Variants in LARP1B observed in about 807,000 individuals in gnomAD.
The protein encoded by LARP1B is La ribonucleoprotein 1B.
In LARP1B, 76 loss-of-function variants were observed where a neutral mutation model predicts 114.2. That is an observed-to-expected ratio of 0.67 (90% CI 0.55 to 0.81). LARP1B has a LOEUF of 0.81. LARP1B is among the 30% of genes least tolerant of loss of function. The probability of loss-of-function intolerance (pLI) is 0.00; values close to 1 mark genes in which losing one functional copy is unlikely to be tolerated. For missense variants in LARP1B, 1,014 were observed against 1,075.8 expected (o/e 0.94, Z 0.80); for synonymous variants, 345 against 348.0 (o/e 0.99, Z 0.10).
chr4:128,066,052 G>T (rs1243982002), intron 1 of LARP1B, among the ~76,000 whole-genome samples: 2 of 151,714 alleles, frequency 1.3e-5, no homozygotes, highest in African/African-American at 4.8e-5. Context: ...GTCCAGGCTG[G>T]TCTTGAGCTC....
At chr4:128,061,590 G>T in intron 1 of LARP1B, 189 bp downstream of exon 1, 7 of 787,876 alleles carry the variant, frequency 8.9e-6, no homozygotes, top group Non-Finnish European at 1.1e-5. Flanking sequence ...CTCTCGGGTT[G>T]TCTGTCCCCA....
intron 10 of LARP1B, among the ~76,000 whole-genome samples, chr4:128,117,572 C>T (rs529631241): frequency 4.3e-4 from 65 of 151,984 alleles, no homozygotes; most frequent in South Asian, 1.9e-3. Flanking sequence ...TTTTAGTAGA[C>T]GGGGTTTCAC....
At chr4:128,179,248 T>C in intron 14 of LARP1B, 158 bp from the exon 15 acceptor site, 2 of 449,416 alleles carry the variant, frequency 4.5e-6, no homozygotes, top group Non-Finnish European at 7.8e-6. Context: ...TTGTAACTTG[T>C]GTGTGAGATT....
chr4:128,077,492 C>T (rs1768427133), intron 3 of LARP1B, among the ~76,000 whole-genome samples: 1 of 151,568 alleles, frequency 6.6e-6, no homozygotes, highest in African/African-American at 2.4e-5. Context: ...CAAAGTGAGA[C>T]TCTGTCCTCC....
chr4:128,078,385 G>A (rs1216937663), intron 4 of LARP1B, among the ~76,000 whole-genome samples: 3 of 152,062 alleles, frequency 2.0e-5, no homozygotes, highest in Admixed American at 2.0e-4. Flanking sequence ...GGAGGCTGAG[G>A]CAGGCGGACC....
At chr4:128,081,497 GTTTC>G (rs1488764447) in intron 4 of LARP1B, among the ~76,000 whole-genome samples, 2 of 147,124 alleles carry the variant, frequency 1.4e-5, no homozygotes, top group Non-Finnish European at 3.0e-5. Context: ...TATTAACATT[GTTTC>G]TTCTACGAAA....
chr4:128,127,974 CAT>C (rs904436447), intron 11 of LARP1B, among the ~76,000 whole-genome samples: 2 of 152,114 alleles, frequency 1.3e-5, no homozygotes, highest in African/African-American at 4.8e-5. Context: ...CAGAAATAAA[CAT>C]GTCTATTTTC....
In LARP1B at chr4:128,199,439, C is replaced by A; in HGVS notation, c.2004C>A (p.Ser668Arg). 1 of 1,501,398 alleles carries A rather than the reference C, an allele frequency of 6.7e-7. No homozygotes were observed. The highest frequency in any genetic ancestry group is 8.9e-7 in the Non-Finnish European group (1 of 1,119,770). The allele number at this position is 1,501,398 out of a possible 1,614,324, so 93.0% of individuals were successfully genotyped here. A position where few individuals can be genotyped will look rare whatever the true frequency, so the allele number is the denominator to read the frequency against. The stretch of plus-strand genomic sequence containing the variant: ...GGCTTTTTTCCCCTTTCTCAAACAG[C>A]ACTTCAAATGCTTCACCTTCAGAAG... ...RDRGPGTSSV[S>R]TSNASPSEGA... The change falls in exon 16 of 20, where the codon AGC becomes AGA. Residue 668 changes from serine (S) to arginine (R), a missense_variant and splice_region_variant. Physicochemically the swap from Ser to Arg is moderately radical, Grantham distance 110. Coordinates refer to ENST00000326639, the MANE Select transcript of LARP1B (RefSeq NM_018078.4).
chr4:128,122,360 G>A (rs149982470), intron 11 of LARP1B, 172 bp downstream of exon 11: 69 of 1,457,196 alleles, frequency 4.7e-5, no homozygotes, highest in African/African-American at 4.4e-4. Context: ...CTGAGGAATC[G>A]TTTTATTTTA....
At chr4:128,075,066 T>C in intron 3 of LARP1B, 73 bp downstream of exon 3, 1 of 1,009,728 alleles carries the variant, frequency 9.9e-7, no homozygotes, top group Non-Finnish European at 1.5e-6. Context: ...GAATTTTATT[T>C]TACTTAAAAT....
intron 15 of LARP1B, among the ~76,000 whole-genome samples, chr4:128,189,386 C>G (rs1017421046): frequency 1.9e-5 from 1 of 52,598 alleles, no homozygotes; most frequent in Non-Finnish European, 3.7e-5. Flanking sequence ...TTCCATTCTT[C>G]ACTTTCAGAC....
chr4:128,063,986 G>A (rs1470052116), intron 1 of LARP1B, among the ~76,000 whole-genome samples: 1 of 150,262 alleles, frequency 6.7e-6, no homozygotes, highest in African/African-American at 2.5e-5. Flanking sequence ...AATGTAAGGC[G>A]ATTGGCTGTG....
chr4:128,131,154 G>A (rs916607932), intron 11 of LARP1B, among the ~76,000 whole-genome samples: 2 of 152,142 alleles, frequency 1.3e-5, no homozygotes, highest in African/African-American at 4.8e-5. Context: ...GGACAATTTT[G>A]ATAATACTGT....
At chr4:128,118,063 A>T (rs1391106174) in intron 10 of LARP1B, among the ~76,000 whole-genome samples, 13 of 137,512 alleles carry the variant, frequency 9.5e-5, no homozygotes, top group Middle Eastern at 4.8e-3. Context: ...CTACAGGCAC[A>T]AACCAACAGG....
chr4:128,083,232 G>A (rs1378049816), intron 5 of LARP1B, among the ~76,000 whole-genome samples: 2 of 152,114 alleles, frequency 1.3e-5, no homozygotes, highest in Admixed American at 6.5e-5. Context: ...ACACAGACAC[G>A]GCAACCATCC....
intron 3 of LARP1B, among the ~76,000 whole-genome samples, chr4:128,077,295 C>T (rs942931185): frequency 1.3e-5 from 2 of 151,284 alleles, no homozygotes; most frequent in African/African-American, 2.4e-5. Flanking sequence ...GTTAGGAGTT[C>T]GAGACCAGCC....
At chr4:128,113,781 C>A (rs906577458) in intron 9 of LARP1B, among the ~76,000 whole-genome samples, 2 of 114,248 alleles carry the variant, frequency 1.8e-5, no homozygotes, top group African/African-American at 3.4e-5. Flanking sequence ...GACATTTACT[C>A]TTTTTTTTTT....
rs1580197219 is a variant in LARP1B at position 128,091,444 on chromosome 4, T to C, written c.600T>C (p.Asp200=). The part of the protein sequence containing the change: ...ELNTSMMYYY[D]DGTGVQVYPV... Reference sequence around the variant, plus strand: ...ATACCAGTATGATGTATTACTATGATGATGGTACAGGTGTACAGGTGTATC... The same window carrying C: ...ATACCAGTATGATGTATTACTATGACGATGGTACAGGTGTACAGGTGTATC... The change falls in exon 7 of 20, where the codon GAT becomes GAC. Residue 200 remains aspartate (D), a synonymous_variant. Transcript: ENST00000326639. The C allele has an allele frequency of 1.9e-6, 3 of 1,612,424 alleles. No homozygotes were observed. The highest frequency in any genetic ancestry group is 3.3e-4 in the Middle Eastern group (2 of 6,036).
At chr4:128,219,848 G>T (rs1316141908) in intron 6 of LARP1B, among the ~76,000 whole-genome samples, 1 of 151,480 alleles carries the variant, frequency 6.6e-6, no homozygotes, top group Admixed American at 6.6e-5. Flanking sequence ...TAGGAAGGGG[G>T]TTATGTTTAT....
Sources: allele counts gnomAD v4.1 joint callset (sites outside exome capture counted in the v4.1 genomes callset), GRCh38; gene constraint gnomAD v4.1.1; transcripts MANE v1.5; gene names NCBI Gene and HGNC (gene_info 2026-07-23, HGNC 2026-07-21).